The following SGCZ variants were observed in gnomAD, a reference collection of about 807,000 sequenced individuals.
SGCZ encodes sarcoglycan zeta.
A neutral mutation model predicts 41.3 loss-of-function variants in SGCZ; 40 were observed. That is an observed-to-expected ratio of 0.97 (90% CI 0.75 to 1.26). The LOEUF is 1.26. Ranked by LOEUF, SGCZ falls within the 50% of genes most tolerant of loss-of-function variation. SGCZ has a pLI of 0.00. For synonymous variants in SGCZ, 206 were observed against 137.5 expected (o/e 1.50, Z -3.49); for missense variants, 552 against 369.8 (o/e 1.49, Z -4.04).
At chr8:15,208,210 T>C (rs1801130931) in intron 1 of SGCZ, among the ~76,000 whole-genome samples, 1 of 152,212 alleles carries the variant, frequency 6.6e-6, no homozygotes, top group African/African-American at 2.4e-5. Flanking sequence ...TCCTCAGGGT[T>C]TGCTGGAAAA....
chr8:14,608,816 A>G (rs73194119), intron 1 of SGCZ, among the ~76,000 whole-genome samples: 6,591 of 152,194 alleles, frequency 0.043, 196 homozygotes, highest in South Asian at 0.15. Context: ...TTCGAACCAT[A>G]TCGGCAAGTG....
At chr8:14,534,345 C>T (rs1024758768) in intron 2 of SGCZ, among the ~76,000 whole-genome samples, 3 of 94,098 alleles carry the variant, frequency 3.2e-5, no homozygotes, top group African/African-American at 8.2e-5. Flanking sequence ...TCTGTCTAAA[C>T]TCTCTGAAAC....
At chr8:15,153,455 T>G (rs114316555) in intron 1 of SGCZ, among the ~76,000 whole-genome samples, 3 of 152,098 alleles carry the variant, frequency 2.0e-5, no homozygotes, top group Admixed American at 6.5e-5. Context: ...CATCACAGAG[T>G]CTGTATTAGT....
intron 2 of SGCZ, among the ~76,000 whole-genome samples, chr8:14,415,102 C>G (rs1204613172): frequency 1.3e-5 from 2 of 151,986 alleles, no homozygotes; most frequent in East Asian, 3.9e-4. Flanking sequence ...TGAAGTAAAA[C>G]TGTTCTGTAA....
At chr8:14,555,854 A>G (rs375382736) in intron 1 of SGCZ, among the ~76,000 whole-genome samples, 1 of 152,106 alleles carries the variant, frequency 6.6e-6, no homozygotes. Flanking sequence ...TAGCTATCAA[A>G]TTAAGTTTTA....
At chr8:14,423,164 G>T (rs1799681258) in intron 2 of SGCZ, among the ~76,000 whole-genome samples, 1 of 151,886 alleles carries the variant, frequency 6.6e-6, no homozygotes, top group Non-Finnish European at 1.5e-5. Context: ...GACTGTTGTG[G>T]GGTGGGCGGA....
intron 2 of SGCZ, among the ~76,000 whole-genome samples, chr8:14,443,572 A>C (rs936543975): frequency 4.6e-5 from 7 of 152,216 alleles, no homozygotes; most frequent in Non-Finnish European, 1.0e-4. Flanking sequence ...AGGATTTCCT[A>C]TTTAAGAAAT....
intron 1 of SGCZ, among the ~76,000 whole-genome samples, chr8:14,981,175 C>A (rs1408569439): frequency 6.6e-6 from 1 of 152,178 alleles, no homozygotes; most frequent in Non-Finnish European, 1.5e-5. Context: ...ACCCTTCTAT[C>A]CTTGTTTAAA....
chr8:14,954,525 A>G (rs775616332), intron 1 of SGCZ, among the ~76,000 whole-genome samples: 2 of 152,274 alleles, frequency 1.3e-5, no homozygotes, highest in Non-Finnish European at 2.9e-5. Flanking sequence ...CCACGATTGC[A>G]TTACACAAAA....
chr8:14,928,241 A>T (rs80103090), intron 1 of SGCZ, among the ~76,000 whole-genome samples: 1 of 152,330 alleles, frequency 6.6e-6, no homozygotes, highest in East Asian at 1.9e-4. Flanking sequence ...AAAATATTTC[A>T]ATCAGAATGT....
chr8:14,557,272 G>C (rs2117197442), intron 1 of SGCZ, among the ~76,000 whole-genome samples: 1 of 135,106 alleles, frequency 7.4e-6, no homozygotes, highest in East Asian at 2.9e-4. Context: ...CCCACTTTTT[G>C]ATGGGGATTT....
At chr8:14,832,764 A>C (rs1013167775) in intron 1 of SGCZ, among the ~76,000 whole-genome samples, 18 of 152,140 alleles carry the variant, frequency 1.2e-4, no homozygotes, top group Non-Finnish European at 1.5e-5. Flanking sequence ...TATTAGGCTC[A>C]ATAAAACATT....
intron 1 of SGCZ, among the ~76,000 whole-genome samples, chr8:15,066,345 T>C (rs1370140348): frequency 6.6e-6 from 1 of 151,850 alleles, no homozygotes; most frequent in African/African-American, 2.4e-5. Context: ...GAAGTCCACC[T>C]TACTTTTCAC....
intron 1 of SGCZ, among the ~76,000 whole-genome samples, chr8:14,603,727 A>G (rs1386771265): frequency 6.6e-6 from 1 of 152,164 alleles, no homozygotes; most frequent in Non-Finnish European, 1.5e-5. Context: ...TTAATTTTTC[A>G]CAGGCTTTCA....
At chr8:14,952,476 T>C (rs940780369) in intron 1 of SGCZ, among the ~76,000 whole-genome samples, 2 of 152,184 alleles carry the variant, frequency 1.3e-5, no homozygotes, top group Non-Finnish European at 2.9e-5. Flanking sequence ...AGTTTAGCTC[T>C]AGGTCCATCA....
At chr8:14,952,058 A>AT (rs1182382364) in intron 1 of SGCZ, among the ~76,000 whole-genome samples, 2 of 152,054 alleles carry the variant, frequency 1.3e-5, no homozygotes, top group Non-Finnish European at 2.9e-5. Flanking sequence ...GAAGTAAAAT[A>AT]TTTTTTTCTC....
Position 14,465,899 on chromosome 8 carries a change from A to C in SGCZ, c.234+88833T>G, listed in dbSNP as rs555886883. 3.0e-4 allele frequency among the ~76,000 whole-genome samples: 45 copies of C among 152,028 alleles called. No individual in the cohort carries two copies. In the South Asian group the frequency reaches 9.1e-3, roughly 31 times the overall value. On this transcript the variant is annotated intron_variant, in intron 2 of 7. Coordinates refer to ENST00000382080, the MANE Select transcript of SGCZ (RefSeq NM_139167.4). ...TCTCTTATGAGGAAAACAAAATGTA[A>C]GTTACAACACTAAGTTACAATAACA...
intron 3 of SGCZ, among the ~76,000 whole-genome samples, chr8:14,298,415 A>C (rs552794048): frequency 6.6e-6 from 1 of 152,132 alleles, no homozygotes; most frequent in Non-Finnish European, 1.5e-5. Flanking sequence ...TTTCATTTGT[A>C]GACAAGATAA....
chr8:14,342,108 G>A (rs1802732422), intron 2 of SGCZ, among the ~76,000 whole-genome samples: 1 of 152,092 alleles, frequency 6.6e-6, no homozygotes, highest in Non-Finnish European at 1.5e-5. Context: ...TTGTTGAATG[G>A]CTTTGCCCAA....
Sources: gnomAD v4.1 joint callset for allele counts (sites outside exome capture counted in the v4.1 genomes callset) on GRCh38, gnomAD v4.1.1 for gene constraint, MANE v1.5 for transcripts, NCBI Gene and HGNC (gene_info 2026-07-23, HGNC 2026-07-21) for gene names.